Variants in CSMD2 observed in about 807,000 individuals in gnomAD.
The protein encoded by CSMD2 is CUB and Sushi multiple domains 2.
A neutral mutation model predicts 398.5 loss-of-function variants in CSMD2; 130 were observed. The ratio of observed to expected loss-of-function variants is 0.33; its 90% CI spans 0.28 to 0.38. CSMD2 has a LOEUF of 0.38. CSMD2 is among the 10% of genes least tolerant of loss of function. The pLI, the probability that CSMD2 is intolerant of heterozygous loss-of-function variation, is 1.00. For synonymous variants in CSMD2, 1,828 were observed against 1,908.5 expected (o/e 0.96, Z 1.10); for missense variants, 3,829 against 4,764.9 (o/e 0.80, Z 5.78).
chr1:33,580,451 T>G (rs1459736920), intron 48 of CSMD2, among the ~76,000 whole-genome samples: 1 of 152,212 alleles, frequency 6.6e-6, no homozygotes, highest in Non-Finnish European at 1.5e-5. Flanking sequence ...GGCTTTTTAG[T>G]TTTAAGAAAC....
intron 6 of CSMD2, among the ~76,000 whole-genome samples, chr1:33,835,714 C>CAAAAAA (rs113819483): frequency 8.9e-5 from 12 of 135,158 alleles, no homozygotes; most frequent in African/African-American, 2.2e-4. Context: ...AAATACATTT[C>CAAAAAA]AAAAAAAAAA....
chr1:33,796,328 AC>A (rs1342752574), intron 10 of CSMD2, among the ~76,000 whole-genome samples: 3 of 152,224 alleles, frequency 2.0e-5, no homozygotes, highest in Non-Finnish European at 4.4e-5. Context: ...GAATGGAGGG[AC>A]CAGCTGGAGC....
intron 19 of CSMD2, among the ~76,000 whole-genome samples, chr1:33,723,030 T>C (rs189587870): frequency 6.6e-6 from 1 of 152,376 alleles, no homozygotes; most frequent in East Asian, 1.9e-4. Context: ...AAAGTCTGTC[T>C]CTTTCTCACA....
chr1:33,627,852 C>T (rs573355163), intron 32 of CSMD2, among the ~76,000 whole-genome samples: 2 of 152,200 alleles, frequency 1.3e-5, no homozygotes, highest in Non-Finnish European at 2.9e-5. Flanking sequence ...TTCTATTTGG[C>T]CTGACAGATG....
intron 2 of CSMD2, among the ~76,000 whole-genome samples, chr1:34,080,921 G>A (rs1014021223): frequency 8.0e-6 from 1 of 125,088 alleles, no homozygotes; most frequent in African/African-American, 2.8e-5. Flanking sequence ...CTAACTGAGT[G>A]GAAAGAAAGA....
chr1:33,868,352 G>A (rs994577504), intron 5 of CSMD2, among the ~76,000 whole-genome samples: 4 of 152,124 alleles, frequency 2.6e-5, no homozygotes, highest in Admixed American at 2.6e-4. Flanking sequence ...TAAATCTTAT[G>A]CCTGCAATAT....
intron 4 of CSMD2, among the ~76,000 whole-genome samples, chr1:33,919,261 T>C (rs995063272): frequency 6.6e-6 from 1 of 152,194 alleles, no homozygotes; most frequent in Admixed American, 6.5e-5. Context: ...AAAGGTGCTA[T>C]TTCCTGAGGC....
intron 25 of CSMD2, among the ~76,000 whole-genome samples, chr1:33,667,232 C>T (rs964765761): frequency 1.5e-4 from 23 of 152,068 alleles, no homozygotes; most frequent in Non-Finnish European, 3.2e-4. Flanking sequence ...AATGAATGAA[C>T]GAATGAAACC....
chr1:34,051,109 G>A (rs1653121217), intron 2 of CSMD2, among the ~76,000 whole-genome samples: 1 of 152,190 alleles, frequency 6.6e-6, no homozygotes, highest in African/African-American at 2.4e-5. Flanking sequence ...ACACAATGGA[G>A]GTAAGGAAGA....
chr1:34,082,616 G>C (rs997397775), intron 2 of CSMD2, among the ~76,000 whole-genome samples: 61 of 152,250 alleles, frequency 4.0e-4, no homozygotes, highest in Non-Finnish European at 1.9e-4. Flanking sequence ...GACGATGGCG[G>C]TTTTGTCAAA....
chr1:33,829,269 T>C (rs972890387), intron 6 of CSMD2, among the ~76,000 whole-genome samples: 21 of 152,298 alleles, frequency 1.4e-4, no homozygotes, highest in African/African-American at 2.2e-4. Flanking sequence ...TGGGAGCTGA[T>C]TGATGGGTCA....
At position 33,698,822 on chromosome 1, in the gene CSMD2, C is replaced by A. The variant is rs769669996; in HGVS notation, c.3856G>T (p.Gly1286Cys). The stretch of plus-strand genomic sequence containing the variant: ...CTCAGACACAGCAGCTCCTCACTAC[C>A]CCGCAGGCTGTATCCAGGGTCACAG... Reference protein sequence around the residue: ...FSCDPGYSLRGSEELLCLSGE... With the variant: ...FSCDPGYSLRCSEELLCLSGE... The change falls in exon 24 of 71, where the codon GGT becomes TGT. Residue 1286 changes from glycine (G) to cysteine (C), a missense_variant. Gly to Cys is a radical substitution (Grantham distance 159). This residue lies in a region of CSMD2 where 2,001 missense variants were observed against 2,567.1 expected (regional missense o/e 0.78). Transcript: ENST00000373381. 1 of 1,614,202 alleles carries A rather than the reference C, an allele frequency of 6.2e-7. No homozygotes were observed. The highest frequency in any genetic ancestry group is 8.5e-7 in the Non-Finnish European group (1 of 1,180,036).
intron 16 of CSMD2, 131 bp downstream of exon 16, chr1:33,726,416 G>A (rs768190721): frequency 3.2e-5 from 36 of 1,118,874 alleles, no homozygotes; most frequent in Non-Finnish European, 4.5e-5. Context: ...GGGCAATTTG[G>A]TCCAGTGTTC....
intron 6 of CSMD2, among the ~76,000 whole-genome samples, chr1:33,845,446 G>T (rs1188531597): frequency 1.3e-5 from 2 of 152,230 alleles, no homozygotes; most frequent in East Asian, 3.8e-4. Context: ...GTCGCCCATT[G>T]CTGGCATCAA....
At chr1:33,644,069 T>G (rs989246626) in intron 29 of CSMD2, among the ~76,000 whole-genome samples, 1 of 152,194 alleles carries the variant, frequency 6.6e-6, no homozygotes. Flanking sequence ...CTGTAGGATG[T>G]GCCTCTCTTC....
At chr1:33,831,017 G>A (rs1200450345) in intron 6 of CSMD2, among the ~76,000 whole-genome samples, 2 of 152,198 alleles carry the variant, frequency 1.3e-5, no homozygotes, top group Non-Finnish European at 2.9e-5. Context: ...TATGTGAAAA[G>A]ACCAAATCTA....
At chr1:33,821,454 G>C (rs1457733811) in intron 7 of CSMD2, among the ~76,000 whole-genome samples, 1 of 152,154 alleles carries the variant, frequency 6.6e-6, no homozygotes, top group Non-Finnish European at 1.5e-5. Context: ...CCTGGTCGGA[G>C]GAGTTCCACT....
In CSMD2 at chr1:34,017,496, C is replaced by T. The variant is rs964725287; in HGVS notation, c.517+15098G>A. The stretch of plus-strand genomic sequence containing the variant: ...TTGTGGCCAGGCACAGTGGCTCATG[C>T]CTGTAATCCCAGCATTTTGGGAGGC... On this transcript the variant is annotated intron_variant, in intron 3 of 70. Coordinates refer to ENST00000373381, the MANE Select transcript of CSMD2 (RefSeq NM_001281956.2). 2.0e-5 allele frequency among the ~76,000 whole-genome samples: 3 copies of T among 152,172 alleles called. No homozygotes were observed. The South Asian group carries it at 6.2e-4, about 32-fold the overall frequency.
chr1:34,095,414 C>G (rs1476468642), intron 1 of CSMD2, among the ~76,000 whole-genome samples: 1 of 150,836 alleles, frequency 6.6e-6, no homozygotes, highest in Non-Finnish European at 1.5e-5. Context: ...GAAATCAGAG[C>G]AGAACTGAAG....
Sources: allele counts gnomAD v4.1 joint callset (sites outside exome capture counted in the v4.1 genomes callset), GRCh38; gene constraint gnomAD v4.1.1; regional missense constraint gnomAD v4.1.1; transcripts MANE v1.5; gene names NCBI Gene and HGNC (gene_info 2026-07-23, HGNC 2026-07-21).